SOX5: variants seen among roughly 807,000 people sequenced by gnomAD.
The protein encoded by SOX5 is SRY-box transcription factor 5, also known as transcription factor SOX-5.
In SOX5, 9 loss-of-function variants were observed where a neutral mutation model predicts 92.0. That is an observed-to-expected ratio of 0.10 (90% confidence interval 0.06 to 0.17). The LOEUF (loss-of-function observed/expected upper bound fraction) is 0.17, where lower values mean the gene tolerates loss of function less well. Among genes scored for constraint, SOX5 ranks in the 10% least tolerant of loss-of-function variants. The pLI, the probability that SOX5 is intolerant of heterozygous loss-of-function variation, is 1.00. For missense variants in SOX5, 642 were observed against 944.5 expected (o/e 0.68, Z 4.20); for synonymous variants, 344 against 336.3 (o/e 1.02, Z -0.25).
At chr12:23,903,952 T>C (rs996676075) in intron 1 of SOX5, among the ~76,000 whole-genome samples, 2 of 152,222 alleles carry the variant, frequency 1.3e-5, no homozygotes, top group African/African-American at 4.8e-5. Context: ...ACACTTTTAT[T>C]TGATGCATAA....
intron 2 of SOX5, among the ~76,000 whole-genome samples, chr12:23,886,769 A>C (rs1425232334): frequency 5.9e-5 from 9 of 152,192 alleles, no homozygotes; most frequent in African/African-American, 1.9e-4. Flanking sequence ...GATTTTAGTT[A>C]AATCAAAAAC....
intron 3 of SOX5, among the ~76,000 whole-genome samples, chr12:23,834,820 T>A (rs964255934): frequency 2.0e-5 from 3 of 151,900 alleles, no homozygotes; most frequent in Admixed American, 6.6e-5. Context: ...GAGTTGTGTC[T>A]GTTGTGGTTC....
chr12:24,024,376 TAC>T lies in SOX5; in HGVS notation c.-1-128354_-1-128353del, dbSNP rs150774203. ...ATTTTATATTAAGACAATGAAAGCA[TAC>T]AGTCTGTTATTTCCATCTACATTGC... On this transcript the variant is annotated intron_variant, in intron 4 of 4. Coordinates refer to the SOX5 transcript ENST00000446891. Among the ~76,000 whole-genome samples the T allele has an allele frequency of 4.2e-3, 634 of 152,158 alleles. 4 individuals are homozygous for T. The highest frequency in any genetic ancestry group is 6.3e-3 in the Non-Finnish European group (429 of 67,932).
At position 24,358,899 on chromosome 12, in the gene SOX5, G is replaced by A. The variant is rs542857393; in HGVS notation, c.-174+9664C>T. ...CATTTATTTATAGACACTCTGGATA[G>A]TATTACATACATGCTTCTTCACTAA... On this transcript the variant is annotated intron_variant, in intron 2 of 4. Transcript: ENST00000446891. 2.0e-5 allele frequency among the ~76,000 whole-genome samples: 3 copies of A among 152,268 alleles called. No individual in the cohort carries two copies. The East Asian group carries it at 5.8e-4, about 29-fold the overall frequency.
intron 3 of SOX5, among the ~76,000 whole-genome samples, chr12:24,262,538 A>G (rs1379167620): frequency 6.6e-6 from 1 of 152,218 alleles, no homozygotes; most frequent in Non-Finnish European, 1.5e-5. Context: ...GGCAAACATT[A>G]AACCAAACGC....
chr12:24,148,481 CAAA>C (rs34951170), intron 4 of SOX5, among the ~76,000 whole-genome samples: 172 of 53,584 alleles, frequency 3.2e-3, no homozygotes, highest in African/African-American at 0.013. Context: ...GGCTCCATGT[CAAA>C]AAAAAAAAAA....
chr12:23,932,165 G>T (rs1036428957), intron 1 of SOX5, among the ~76,000 whole-genome samples: 4 of 151,474 alleles, frequency 2.6e-5, no homozygotes, highest in Non-Finnish European at 4.4e-5. Context: ...AAGAATGATG[G>T]TCCAATACCT....
chr12:23,826,145 G>A (rs2096228728), intron 3 of SOX5, among the ~76,000 whole-genome samples: 1 of 151,804 alleles, frequency 6.6e-6, no homozygotes, highest in East Asian at 1.9e-4. Context: ...TTTAACATTA[G>A]GTATATCTCC....
At chr12:24,368,465 C>A (rs897498074) in intron 2 of SOX5, 2 of 152,178 alleles carry the variant, frequency 1.3e-5, no homozygotes, top group Non-Finnish European at 2.9e-5. Context: ...CAAATACTTG[C>A]AAAATTTATT....
chr12:24,335,801 T>C, intron 2 of SOX5, among the ~76,000 whole-genome samples: 1 of 151,632 alleles, frequency 6.6e-6, no homozygotes. Context: ...ATCACTGTTC[T>C]TAAGCTCACA....
intron 1 of SOX5, among the ~76,000 whole-genome samples, chr12:24,435,907 A>T (rs73285508): frequency 0.011 from 1,683 of 152,156 alleles, 34 homozygotes; most frequent in African/African-American, 0.039. Context: ...AAACTTTTTC[A>T]TTATTATTAT....
chr12:24,132,837 A>G (rs1481204727), intron 4 of SOX5, among the ~76,000 whole-genome samples: 1 of 152,188 alleles, frequency 6.6e-6, no homozygotes, highest in African/African-American at 2.4e-5. Flanking sequence ...GGGGACAGGA[A>G]GAACAGAAAT....
At chr12:23,821,474 G>A (rs1253085683) in intron 3 of SOX5, among the ~76,000 whole-genome samples, 12 of 152,204 alleles carry the variant, frequency 7.9e-5, no homozygotes, top group Non-Finnish European at 1.6e-4. Context: ...GAATAGGAGT[G>A]GAGAGAGAGG....
At chr12:24,145,120 A>C (rs910815866) in intron 4 of SOX5, among the ~76,000 whole-genome samples, 22 of 152,138 alleles carry the variant, frequency 1.4e-4, no homozygotes, top group African/African-American at 5.3e-4. Context: ...AAAATAAAGA[A>C]ATAAAAAGGG....
At chr12:23,799,442 T>A (rs775505200) in intron 3 of SOX5, among the ~76,000 whole-genome samples, 1 of 152,080 alleles carries the variant, frequency 6.6e-6, no homozygotes, top group Non-Finnish European at 1.5e-5. Flanking sequence ...ATGCTTGATG[T>A]GTTTCGGGAC....
intron 6 of SOX5, among the ~76,000 whole-genome samples, chr12:23,718,880 T>C (rs2092656838): frequency 6.6e-6 from 1 of 152,116 alleles, no homozygotes; most frequent in Admixed American, 6.5e-5. Context: ...AGTAAAAAGC[T>C]TAGCAAAAAG....
intron 2 of SOX5, among the ~76,000 whole-genome samples, chr12:24,365,815 T>C (rs1267962738): frequency 1.3e-5 from 2 of 151,912 alleles, no homozygotes; most frequent in East Asian, 3.9e-4. Flanking sequence ...CAGTGTAAAG[T>C]GCTTACCTTA....
At chr12:24,089,660 C>A (rs1290478566) in intron 4 of SOX5, among the ~76,000 whole-genome samples, 1 of 152,246 alleles carries the variant, frequency 6.6e-6, no homozygotes, top group African/African-American at 2.4e-5. Context: ...CAGCATATGA[C>A]AAAGAGCAGA....
chr12:24,480,505 C>A (rs4526853), intron 1 of SOX5, among the ~76,000 whole-genome samples: 3,050 of 152,046 alleles, frequency 0.02, 45 homozygotes, highest in South Asian at 0.036. Context: ...TGTAAACTAC[C>A]CACCTGACAA....
Sources: gnomAD v4.1 joint callset for allele counts (sites outside exome capture counted in the v4.1 genomes callset) on GRCh38, gnomAD v4.1.1 for gene constraint, MANE v1.5 for transcripts, NCBI Gene and HGNC (gene_info 2026-07-23, HGNC 2026-07-21) for gene names.